The following CSGALNACT1 variants were observed in gnomAD, a reference collection of about 807,000 sequenced individuals.
CSGALNACT1 encodes the protein chondroitin sulfate N-acetylgalactosaminyltransferase 1.
In CSGALNACT1, 52 loss-of-function variants were observed where a neutral mutation model predicts 51.0. The ratio of observed to expected loss-of-function variants is 1.02; its 90% CI spans 0.82 to 1.29. The LOEUF is 1.29. Ranked by LOEUF, CSGALNACT1 falls within the 50% of genes most tolerant of loss-of-function variation. The pLI, the probability that CSGALNACT1 is intolerant of heterozygous loss-of-function variation, is 0.00. For missense variants in CSGALNACT1, 935 were observed against 679.2 expected, an observed-to-expected ratio of 1.38 and a Z score of -4.19; for synonymous variants, 341 against 254.4, an observed-to-expected ratio of 1.34 and a Z score of -3.24.
chr8:19,404,859 C>T (rs1384711316), exon 10 of CSGALNACT1: 4 of 454,334 alleles, frequency 8.8e-6, no homozygotes. Flanking sequence ...CTCCAGTGTT[C>T]AGTTGCTCCT....
Position 19,564,567 on chromosome 8 carries a change from T to A in CSGALNACT1, c.-297+26593A>T, listed in dbSNP as rs559067441. Among the ~76,000 whole-genome samples the A allele has an allele frequency of 2.0e-5, 3 of 152,238 alleles. No homozygotes were observed. In the East Asian group the frequency reaches 5.8e-4, roughly 29 times the overall value. ...TTTGGCTCCTCGAAGCTGCCCACAC[T>A]CATTCTTGCCTTGGGGACCTGGAAG... On this transcript the variant is annotated intron_variant, in intron 3 of 9. Transcript: ENST00000454498.
At chr8:19,413,842 G>A (rs190377337) in intron 8 of CSGALNACT1, among the ~76,000 whole-genome samples, 381 of 152,328 alleles carry the variant, frequency 2.5e-3, no homozygotes, top group African/African-American at 8.7e-3. Context: ...CAGCCAGGGA[G>A]ACTGAGCAGG....
At chr8:19,708,575 T>C (rs1250926347) in intron 1 of CSGALNACT1, among the ~76,000 whole-genome samples, 1 of 152,112 alleles carries the variant, frequency 6.6e-6, no homozygotes, top group African/African-American at 2.4e-5. Flanking sequence ...GTTAGGAAGA[T>C]CACATCCTCA....
chr8:19,443,302 A>G (rs12674938), intron 5 of CSGALNACT1, among the ~76,000 whole-genome samples: 70,750 of 152,084 alleles, frequency 0.47, 17,974 homozygotes, highest in East Asian at 0.84. Flanking sequence ...GTATGTGTAG[A>G]TATGTAAATA....
intron 2 of CSGALNACT1, among the ~76,000 whole-genome samples, chr8:19,599,981 A>G (rs909811431): frequency 1.2e-4 from 19 of 152,362 alleles, no homozygotes; most frequent in Non-Finnish European, 2.5e-4. Context: ...GCATTAGGCC[A>G]TAAGTTGTGC....
chr8:19,529,337 G>C (rs1451041791), intron 3 of CSGALNACT1, among the ~76,000 whole-genome samples: 1 of 152,140 alleles, frequency 6.6e-6, no homozygotes, highest in Admixed American at 6.6e-5. Context: ...TCAGGGAGAA[G>C]ACCAGGGCAT....
At chr8:19,440,630 T>C (rs990058859) in intron 5 of CSGALNACT1, among the ~76,000 whole-genome samples, 3 of 152,146 alleles carry the variant, frequency 2.0e-5, no homozygotes, top group Non-Finnish European at 2.9e-5. Flanking sequence ...GGGCAAAAAC[T>C]GGAAGCATTC....
chr8:19,618,873 A>C (rs1286737514), intron 1 of CSGALNACT1, among the ~76,000 whole-genome samples: 1 of 151,970 alleles, frequency 6.6e-6, no homozygotes, highest in African/African-American at 2.4e-5. Flanking sequence ...ACCATCATCC[A>C]TTTTCTTCCA....
At chr8:19,673,960 G>C (rs1203888148) in intron 1 of CSGALNACT1, among the ~76,000 whole-genome samples, 3 of 152,172 alleles carry the variant, frequency 2.0e-5, no homozygotes, top group Non-Finnish European at 4.4e-5. Flanking sequence ...TCATCTAAGA[G>C]CTTAGGTGAA....
At chr8:19,412,317 T>G (rs1035241889) in intron 8 of CSGALNACT1, among the ~76,000 whole-genome samples, 2 of 152,148 alleles carry the variant, frequency 1.3e-5, no homozygotes, top group African/African-American at 2.4e-5. Flanking sequence ...CTGTGGACGA[T>G]TCACGTGACA....
chr8:19,676,282 G>A (rs2060185324), intron 1 of CSGALNACT1, among the ~76,000 whole-genome samples: 1 of 152,046 alleles, frequency 6.6e-6, no homozygotes, highest in Admixed American at 6.5e-5. Context: ...ATTATCAAGT[G>A]AAGGCTTTAG....
chr8:19,464,984 T>G (rs1417775508), intron 4 of CSGALNACT1, among the ~76,000 whole-genome samples: 1 of 152,214 alleles, frequency 6.6e-6, no homozygotes, highest in African/African-American at 2.4e-5. Flanking sequence ...CAATTCTATG[T>G]ATTTCTAGGT....
intron 5 of CSGALNACT1, among the ~76,000 whole-genome samples, chr8:19,449,022 A>G (rs898047429): frequency 2.6e-5 from 4 of 152,164 alleles, no homozygotes; most frequent in African/African-American, 4.8e-5. Context: ...AGATAAATTT[A>G]TTAATATATA....
chr8:19,447,615 A>T, intron 5 of CSGALNACT1, among the ~76,000 whole-genome samples: 1 of 152,224 alleles, frequency 6.6e-6, no homozygotes, highest in East Asian at 1.9e-4. Context: ...CACCTATCCC[A>T]GATGTGACAA....
intron 3 of CSGALNACT1, among the ~76,000 whole-genome samples, chr8:19,559,610 A>C (rs2040245754): frequency 6.6e-6 from 1 of 152,202 alleles, no homozygotes; most frequent in Admixed American, 6.5e-5. Flanking sequence ...TCAGCAATGT[A>C]GGGAAACCAA....
intron 4 of CSGALNACT1, among the ~76,000 whole-genome samples, chr8:19,471,132 G>C (rs1221512747): frequency 6.6e-6 from 1 of 151,548 alleles, no homozygotes; most frequent in Admixed American, 6.6e-5. Flanking sequence ...AGAGAGGGGA[G>C]AGAGAGAGAA....
At chr8:19,693,482 T>C (rs1183164503) in intron 1 of CSGALNACT1, among the ~76,000 whole-genome samples, 2 of 152,176 alleles carry the variant, frequency 1.3e-5, no homozygotes, top group Non-Finnish European at 2.9e-5. Context: ...TGTAACTAAG[T>C]ACTTTCATTA....
At chr8:19,491,862 T>C (rs1169137079) in intron 4 of CSGALNACT1, among the ~76,000 whole-genome samples, 1 of 152,224 alleles carries the variant, frequency 6.6e-6, no homozygotes, top group Non-Finnish European at 1.5e-5. Flanking sequence ...ACATTTACAT[T>C]CCACACACTT....
At position 19,663,195 on chromosome 8, in the gene CSGALNACT1, C is replaced by G. The variant is rs777029484; in HGVS notation, c.-544+19278G>C. 6.2e-4 allele frequency among the ~76,000 whole-genome samples: 95 copies of G among 152,176 alleles called. 2 individuals carry two copies. Among genetic ancestry groups the G allele is most frequent in the Middle Eastern group, 3.4e-3 (1 of 294 alleles). ...AGAAACATTTCCATGGAACAGCAGT[C>G]TATTAAAAAAGATAACTACACTTGT... On this transcript the variant is annotated intron_variant, in intron 1 of 9. Transcript: ENST00000332246.
Sources: gnomAD v4.1 joint callset for allele counts (sites outside exome capture counted in the v4.1 genomes callset) on GRCh38, gnomAD v4.1.1 for gene constraint, MANE v1.5 for transcripts, NCBI Gene and HGNC (gene_info 2026-07-23, HGNC 2026-07-21) for gene names.